Variants in SIPA1L1 observed in about 807,000 individuals in gnomAD.
SIPA1L1 encodes signal induced proliferation associated 1 like 1, also known as signal-induced proliferation-associated 1-like protein 1.
In SIPA1L1, 26 loss-of-function variants were observed where a neutral mutation model predicts 162.7. That is an observed-to-expected ratio of 0.16 (90% confidence interval 0.12 to 0.22). The LOEUF (loss-of-function observed/expected upper bound fraction) is 0.22, where lower values mean the gene tolerates loss of function less well. Ranked by LOEUF, SIPA1L1 falls within the 10% of genes least tolerant of loss-of-function variation. The pLI is 1.00. For synonymous variants in SIPA1L1, 829 were observed against 837.4 expected, an observed-to-expected ratio of 0.99 and a Z score of 0.17; for missense variants, 1,874 against 2,241.0, an observed-to-expected ratio of 0.84 and a Z score of 3.31.
At chr14:71,449,941 G>A (rs976352268) in intron 2 of SIPA1L1, among the ~76,000 whole-genome samples, 20 of 152,054 alleles carry the variant, frequency 1.3e-4, no homozygotes, top group African/African-American at 4.1e-4. Flanking sequence ...AAGAAAACAC[G>A]CATTGACTCA....
chr14:71,707,537 A>C (rs548026105), intron 16 of SIPA1L1, among the ~76,000 whole-genome samples: 1 of 152,176 alleles, frequency 6.6e-6, no homozygotes, highest in East Asian at 1.9e-4. Context: ...TGGACATTTC[A>C]TACAAATGAA....
rs2046046545 is a variant in SIPA1L1 at position 71,454,437 on chromosome 14, G to A, written c.-464-58306G>A. Reference sequence around the variant, plus strand: ...ATAAAGGACTATTAGGGAATTGTATGGAGAGTTGTTCTTGATTTATACTTT... The same window carrying A: ...ATAAAGGACTATTAGGGAATTGTATAGAGAGTTGTTCTTGATTTATACTTT... On this transcript the variant is annotated intron_variant, in intron 2 of 23. Transcript: ENST00000381232. Among the ~76,000 whole-genome samples the A allele has an allele frequency of 1.3e-5, 2 of 152,160 alleles. 1 individual carries two copies. Among genetic ancestry groups the A allele is most frequent in the South Asian group, 4.1e-4 (2 of 4,820 alleles).
chr14:71,354,847 A>G (rs2037088420), intron 2 of SIPA1L1, among the ~76,000 whole-genome samples: 1 of 151,994 alleles, frequency 6.6e-6, no homozygotes, highest in Admixed American at 6.5e-5. Flanking sequence ...TGCTAAAGCT[A>G]AGTGCACTAT....
At position 71,588,847 on chromosome 14, in the gene SIPA1L1, G is replaced by C. The variant is rs750369455; in HGVS notation, c.975G>C (p.Trp325Cys). ...GATCAGAAGACTCTGTCAGGCCCTGGACATGTCCAAAGTGCTTTGCCCACT... is the reference window on the plus strand; with the variant it reads ...GATCAGAAGACTCTGTCAGGCCCTGCACATGTCCAAAGTGCTTTGCCCACT... ...DNRSEDSVRP[W>C]TCPKCFAHYD... is the part of the protein sequence containing the mutation. The change falls in exon 5 of 24, where the codon TGG becomes TGC. Residue 325 changes from tryptophan (W) to cysteine (C), a missense_variant. This residue lies in a region of SIPA1L1 where 685 missense variants were observed against 828.0 expected (regional missense o/e 0.83). Coordinates refer to ENST00000381232, the MANE Select transcript of SIPA1L1 (RefSeq NM_001386936.1). The surrounding 1 kb of genome is among the most constrained non-coding windows in gnomAD (Gnocchi z 4.3). 1 of 1,614,082 alleles carries C rather than the reference G, an allele frequency of 6.2e-7. No individual in the cohort carries two copies. Among genetic ancestry groups the C allele is most frequent in the East Asian group, 2.2e-5 (1 of 44,860 alleles).
chr14:71,677,369 G>A (rs550255789), intron 12 of SIPA1L1, among the ~76,000 whole-genome samples: 209 of 152,254 alleles, frequency 1.4e-3, no homozygotes, highest in Non-Finnish European at 2.5e-3. Flanking sequence ...GATTCTGGAT[G>A]TTAGCCCTTT....
chr14:71,407,117 C>T (rs893599938), intron 2 of SIPA1L1, among the ~76,000 whole-genome samples: 3 of 152,190 alleles, frequency 2.0e-5, no homozygotes, highest in African/African-American at 7.2e-5. Flanking sequence ...GTGGCGCATG[C>T]CTGTAATCCC....
At chr14:71,693,940 T>C (rs1243277806) in intron 13 of SIPA1L1, among the ~76,000 whole-genome samples, 1 of 152,182 alleles carries the variant, frequency 6.6e-6, no homozygotes, top group Non-Finnish European at 1.5e-5. Flanking sequence ...CTGTTTGCAC[T>C]TGGGTTACTG....
At chr14:71,416,695 C>G (rs560227707) in intron 2 of SIPA1L1, among the ~76,000 whole-genome samples, 1 of 148,754 alleles carries the variant, frequency 6.7e-6, no homozygotes, top group South Asian at 2.1e-4. Flanking sequence ...AAAACAATTT[C>G]TATACTCTAA....
At chr14:71,328,531 A>G (rs976980364) in intron 2 of SIPA1L1, among the ~76,000 whole-genome samples, 2 of 152,220 alleles carry the variant, frequency 1.3e-5, no homozygotes, top group African/African-American at 4.8e-5. Context: ...GCTTGACAAT[A>G]AGGTAAATAA....
chr14:71,559,455 G>A (rs2056611754), intron 4 of SIPA1L1, among the ~76,000 whole-genome samples: 1 of 152,074 alleles, frequency 6.6e-6, no homozygotes, highest in Non-Finnish European at 1.5e-5. Flanking sequence ...ATTTTCCCCT[G>A]CCCAGTGGCA....
At chr14:71,523,380 C>T (rs779907127) in intron 3 of SIPA1L1, among the ~76,000 whole-genome samples, 1 of 151,232 alleles carries the variant, frequency 6.6e-6, no homozygotes, top group Non-Finnish European at 1.5e-5. Context: ...TTGACATAAT[C>T]TCAGAGTTTA....
intron 2 of SIPA1L1, among the ~76,000 whole-genome samples, chr14:71,323,061 G>A (rs1312941007): frequency 1.3e-5 from 2 of 152,196 alleles, no homozygotes; most frequent in Admixed American, 1.3e-4. Flanking sequence ...TTTTGTCTCT[G>A]TCCTTACACT....
chr14:71,618,164 G>A (rs923111715), intron 5 of SIPA1L1, among the ~76,000 whole-genome samples: 1 of 152,152 alleles, frequency 6.6e-6, no homozygotes, highest in African/African-American at 2.4e-5. Flanking sequence ...CTGCACTGTG[G>A]GATACCGTGC....
intron 10 of SIPA1L1, among the ~76,000 whole-genome samples, chr14:71,665,472 C>T (rs1034723792): frequency 3.3e-5 from 5 of 152,074 alleles, no homozygotes; most frequent in African/African-American, 1.2e-4. Context: ...CCTCCAGTCT[C>T]TATTGTTTTA....
Position 71,508,252 on chromosome 14 carries a change from C to T in SIPA1L1, c.-464-4491C>T, listed in dbSNP as rs74374422. ...CACTCCATGGGTCAAGGAAAATATG[C>T]TCATGGACAAAGTTCTATATACAGG... On this transcript the variant is annotated intron_variant, in intron 2 of 23. Transcript: ENST00000381232. Among the ~76,000 whole-genome samples the T allele has an allele frequency of 1.7e-4, 26 of 152,292 alleles. 2 individuals carry two copies. In the East Asian group the frequency reaches 5.0e-3, roughly 29 times the overall value.
In SIPA1L1 at chr14:71,358,834, G is replaced by A. The variant is rs543941196; in HGVS notation, c.-465+37653G>A. Among the ~76,000 whole-genome samples, 6 of 152,242 alleles carry A rather than the reference G, an allele frequency of 3.9e-5. No individual in the cohort carries two copies. The South Asian group carries it at 1.0e-3, about 26-fold the overall frequency. ...GGCTGGAGCAGGAGGAAGAGAGAGA[G>A]TGGGAAGGTGCTATACACTTTTAGA... On this transcript the variant is annotated intron_variant, in intron 2 of 23. Coordinates refer to ENST00000381232, the MANE Select transcript of SIPA1L1 (RefSeq NM_001386936.1).
chr14:71,586,212 G>A (rs1183869959), intron 4 of SIPA1L1: 1 of 151,408 alleles, frequency 6.6e-6, no homozygotes, highest in South Asian at 2.1e-4. Context: ...CCTGCATTCT[G>A]CAGGCAGCAT....
chr14:71,470,907 G>A (rs1346803969), intron 2 of SIPA1L1, among the ~76,000 whole-genome samples: 8 of 151,950 alleles, frequency 5.3e-5, no homozygotes, highest in South Asian at 4.2e-4. Flanking sequence ...GCTTGATCAC[G>A]GCTTGCTGCA....
rs546698380 is a variant in SIPA1L1, at chr14:71,599,561, A to G, written c.1498+10191A>G. ...TGATGGACATGTAGGTTGATTCCAT[A>G]TCTTTGCTATTGCAAATAGTTTTGC... On this transcript the variant is annotated intron_variant, in intron 5 of 23. Coordinates refer to ENST00000381232, the MANE Select transcript of SIPA1L1 (RefSeq NM_001386936.1). Among the ~76,000 whole-genome samples, 16 of 148,780 alleles carry G rather than the reference A, an allele frequency of 1.1e-4. 1 individual carries two copies. The South Asian group carries it at 2.6e-3, about 24-fold the overall frequency.
Sources: gnomAD v4.1 joint callset for allele counts (sites outside exome capture counted in the v4.1 genomes callset) on GRCh38, gnomAD v4.1.1 for gene constraint, gnomAD v4.1.1 regional missense constraint, Gnocchi (gnomAD v3.1) non-coding constraint, MANE v1.5 for transcripts, NCBI Gene and HGNC (gene_info 2026-07-23, HGNC 2026-07-21) for gene names.